The following PATJ variants were observed in gnomAD, a reference collection of about 807,000 sequenced individuals.
PATJ encodes PATJ crumbs cell polarity complex component, also known as inaD-like protein.
PATJ carries 190 observed loss-of-function variants against 224.9 expected under a neutral mutation model. The ratio of observed to expected loss-of-function variants is 0.84; its 90% CI spans 0.75 to 0.95. PATJ has a LOEUF of 0.95. PATJ is among the 40% of genes least tolerant of loss of function. The pLI, the probability that PATJ is intolerant of heterozygous loss-of-function variation, is 0.00. For synonymous variants in PATJ, 769 were observed against 820.3 expected, an observed-to-expected ratio of 0.94 and a Z score of 1.07; for missense variants, 2,121 against 2,270.3, an observed-to-expected ratio of 0.93 and a Z score of 1.34.
intron 31 of PATJ, among the ~76,000 whole-genome samples, chr1:62,065,889 A>G (rs561936521): frequency 7.4e-4 from 112 of 152,344 alleles, no homozygotes; most frequent in Non-Finnish European, 4.3e-4. Context: ...CTCCTCAGAA[A>G]CAAGTGCTGC....
At chr1:62,054,994 G>A (rs1654298919) in intron 31 of PATJ, among the ~76,000 whole-genome samples, 1 of 152,104 alleles carries the variant, frequency 6.6e-6, no homozygotes, top group Non-Finnish European at 1.5e-5. Context: ...GGCGGAGGTT[G>A]CAGTGAGCTG....
rs1316001305 is a variant in PATJ at position 61,864,601 on chromosome 1, G to A, written c.2803G>A (p.Ala935Thr). 2 of 1,602,834 alleles carry A rather than the reference G, an allele frequency of 1.2e-6. No homozygotes were observed. Among genetic ancestry groups the A allele is most frequent in the Admixed American group, 1.7e-5 (1 of 59,946 alleles). The change falls in exon 20 of 44, where the codon GCA becomes ACA. Residue 935 changes from alanine (A) to threonine (T), a missense_variant. By Grantham distance (58) the Ala-to-Thr change is moderately conservative. Transcript: ENST00000642238. ...CGGGAGGACTGTCTATTCCCAGGAGGCACAGCCGTATGGCTATTGCCCTGA... is the reference window on the plus strand; with the variant it reads ...CGGGAGGACTGTCTATTCCCAGGAGACACAGCCGTATGGCTATTGCCCTGA... ...RTGRTVYSQEAQPYGYCPENV... is the reference protein window; with the variant it reads ...RTGRTVYSQETQPYGYCPENV...
intron 28 of PATJ, among the ~76,000 whole-genome samples, chr1:62,011,159 C>T (rs1646424703): frequency 1.3e-5 from 2 of 152,178 alleles, no homozygotes; most frequent in South Asian, 2.1e-4. Context: ...TTCCTGTGTT[C>T]GCTGGAGTGG....
chr1:61,967,045 A>C (rs1043283877), intron 27 of PATJ, among the ~76,000 whole-genome samples: 1 of 152,202 alleles, frequency 6.6e-6, no homozygotes, highest in African/African-American at 2.4e-5. Context: ...AATGCCTTCA[A>C]CATCTGGGAA....
chr1:62,077,947 T>C (rs916464519), intron 31 of PATJ, among the ~76,000 whole-genome samples: 1 of 152,236 alleles, frequency 6.6e-6, no homozygotes, highest in African/African-American at 2.4e-5. Context: ...AATGAATTTA[T>C]GGATGTAAAA....
At chr1:61,775,875 A>G (rs1646885001) in intron 7 of PATJ, among the ~76,000 whole-genome samples, 1 of 152,186 alleles carries the variant, frequency 6.6e-6, no homozygotes, top group Admixed American at 6.5e-5. Flanking sequence ...TAATTACTAC[A>G]TTTAGTTTTT....
chr1:61,881,089 G>A (rs953514909), intron 21 of PATJ, among the ~76,000 whole-genome samples: 1 of 152,192 alleles, frequency 6.6e-6, no homozygotes, highest in Admixed American at 6.5e-5. Context: ...GCGAGACCTT[G>A]TCTCAAAAAT....
chr1:62,158,526 T>C (rs959573498), intron 43 of PATJ, among the ~76,000 whole-genome samples: 10 of 148,496 alleles, frequency 6.7e-5, no homozygotes, highest in African/African-American at 1.7e-4. Flanking sequence ...GAGACCATCC[T>C]GGCTAACACG....
In PATJ at chr1:61,781,290, G is replaced by A. The variant is rs555934425; in HGVS notation, c.849+5956G>A. On this transcript the variant is annotated intron_variant, in intron 7 of 43. Transcript: ENST00000642238. ...AACAAGAGAGCTATTATCTCTTCTA[G>A]GGCATATGGTAAGGCCTAGCCATAG... 4.6e-5 allele frequency among the ~76,000 whole-genome samples: 7 copies of A among 152,282 alleles called. No individual in the cohort carries two copies. In the East Asian group the frequency reaches 1.3e-3, roughly 29 times the overall value.
chr1:62,069,671 T>C (rs1371445930), intron 31 of PATJ, among the ~76,000 whole-genome samples: 1 of 152,218 alleles, frequency 6.6e-6, no homozygotes. Flanking sequence ...AGGCTCCTGC[T>C]ACCCACCACA....
intron 31 of PATJ, chr1:62,072,560 A>G (rs1329195995): frequency 6.6e-6 from 1 of 152,008 alleles, no homozygotes; most frequent in African/African-American, 2.4e-5. Flanking sequence ...GGGTGTCCAC[A>G]CTAAGTTCGG....
At chr1:62,146,717 C>T (rs1486137563) in intron 41 of PATJ, among the ~76,000 whole-genome samples, 3 of 151,838 alleles carry the variant, frequency 2.0e-5, no homozygotes, top group Non-Finnish European at 2.9e-5. Context: ...GCGGAGGTTG[C>T]GGTGAGCCAA....
intron 6 of PATJ, among the ~76,000 whole-genome samples, chr1:61,773,660 G>T (rs907377620): frequency 6.6e-6 from 1 of 151,976 alleles, no homozygotes; most frequent in African/African-American, 2.4e-5. Flanking sequence ...GGTGGTGCAT[G>T]CTTGTAATCC....
At chr1:62,052,557 C>G (rs1048765723) in intron 31 of PATJ, among the ~76,000 whole-genome samples, 4 of 151,768 alleles carry the variant, frequency 2.6e-5, no homozygotes, top group African/African-American at 9.7e-5. Flanking sequence ...GCCTGACCAA[C>G]ATGGAGAAAC....
rs557559304 is a variant in PATJ, at chr1:62,161,939, T to G, written c.*885T>G. 1 of 152,252 alleles carries G rather than the reference T, an allele frequency of 6.6e-6. No individual in the cohort carries two copies. Among genetic ancestry groups the G allele is most frequent in the East Asian group, 1.9e-4 (1 of 5,200 alleles). 9.4% of individuals were successfully genotyped at this position (152,252 alleles called of 1,614,324 possible). The stretch of plus-strand genomic sequence containing the variant: ...GGAAATTACTGTGCTGTCTTCTGTA[T>G]GACTTATGGTCAAATAAGTCTCAAA... On this transcript the variant is annotated 3_prime_UTR_variant, in exon 44 of 44. Coordinates refer to ENST00000642238, the MANE Select transcript of PATJ (RefSeq NM_001350145.3).
chr1:62,144,771 A>ATATATATATATAGATATATATAT (rs1439255158), intron 41 of PATJ, among the ~76,000 whole-genome samples: 1 of 73,342 alleles, frequency 1.4e-5, no homozygotes, highest in Admixed American at 1.7e-4. Flanking sequence ...ATTTGCAAAA[A>ATATATATATATAGATATATATAT]AAAAAAATAT....
intron 1 of PATJ, among the ~76,000 whole-genome samples, chr1:61,751,759 G>A (rs1172262488): frequency 6.6e-6 from 1 of 152,026 alleles, no homozygotes; most frequent in Admixed American, 6.6e-5. Context: ...CCTGGAGGTG[G>A]AGGTTGCAGT....
At chr1:61,939,964 G>A (rs376704894) in intron 27 of PATJ, among the ~76,000 whole-genome samples, 23 of 151,968 alleles carry the variant, frequency 1.5e-4, no homozygotes, top group African/African-American at 4.3e-4. Flanking sequence ...GTGAGCCACC[G>A]CGCCCGGCCT....
At chr1:61,996,759 T>G (rs1160446287) in intron 28 of PATJ, among the ~76,000 whole-genome samples, 1 of 143,612 alleles carries the variant, frequency 7.0e-6, no homozygotes, top group Non-Finnish European at 1.5e-5. Context: ...TTTTTTTTTT[T>G]TGAGATGGAG....
Sources: gnomAD v4.1 joint callset for allele counts (sites outside exome capture counted in the v4.1 genomes callset) on GRCh38, gnomAD v4.1.1 for gene constraint, MANE v1.5 for transcripts, NCBI Gene and HGNC (gene_info 2026-07-23, HGNC 2026-07-21) for gene names.